Variants in TLX1 observed in about 807,000 individuals in gnomAD.
TLX1 encodes T-cell leukemia homeobox protein 1.
Under a neutral mutation model 26.5 loss-of-function variants are expected in TLX1, and 6 were observed. That is an observed-to-expected ratio of 0.23 (90% confidence interval 0.12 to 0.45). TLX1 has a LOEUF of 0.45. TLX1 is among the 20% of genes least tolerant of loss of function. The pLI is 0.99. For synonymous variants in TLX1, 217 were observed against 219.7 expected (o/e 0.99, Z 0.11); for missense variants, 418 against 482.6 (o/e 0.87, Z 1.25).
intron 2 of TLX1, chr10:101,135,353 G>A (rs1264878793): frequency 6.5e-6 from 1 of 154,418 alleles, no homozygotes; most frequent in Non-Finnish European, 1.5e-5. Flanking sequence ...TCTGAACGAA[G>A]GCGAGGAATC....
chr10:101,132,032 C>T lies in TLX1; in HGVS notation c.491C>T (p.Pro164Leu), dbSNP rs1343496823. 3 of 1,517,960 alleles carry T rather than the reference C, an allele frequency of 2.0e-6. No individual in the cohort carries two copies. The highest frequency in any genetic ancestry group is 2.5e-5 in the South Asian group (2 of 80,512). 94.0% of individuals were successfully genotyped at this position (1,517,960 alleles called of 1,614,324 possible). A position where few individuals can be genotyped will look rare whatever the true frequency, so the allele number is the denominator to read the frequency against. ...ACCGTGCCCTCTGTGCCTGCCATGC[C>T]GGGCGTCAACAACCTCACTGGCCTC... Reference protein sequence around the residue: ...LPTVPSVPAMPGVNNLTGLTF... With the variant: ...LPTVPSVPAMLGVNNLTGLTF... Residue 164 changes from proline (P) to leucine (L), a missense_variant, in exon 1 of 3, where the codon CCG becomes CTG. Physicochemically the swap from Pro to Leu is moderately conservative, Grantham distance 98. Around this residue, in one of 3 missense-constraint regions of TLX1, gnomAD observed 322 missense variants for 344.6 expected, o/e 0.93. Transcript: ENST00000370196. This position sits in a 1 kb window ranked among gnomAD's most constrained non-coding sequence, Gnocchi z 4.1.
chr10:101,131,881 G>A lies in TLX1; in HGVS notation c.340G>A (p.Gly114Ser). The change falls in exon 1 of 3, where the codon GGC (glycine) becomes AGC (serine). Residue 114 changes from glycine to serine, a missense_variant. Around this residue, in one of 3 missense-constraint regions of TLX1, gnomAD observed 322 missense variants for 344.6 expected, o/e 0.93. Transcript: ENST00000370196. Reference sequence around the variant, plus strand: ...GGCCTTGGCAGGCGGCCCCGGTCCTGGCGGCGGCGGCGGCAGCAGCGGCGG... The same window carrying A: ...GGCCTTGGCAGGCGGCCCCGGTCCTAGCGGCGGCGGCGGCAGCAGCGGCGG... ...NMALAGGPGP[G>S]GGGGSSGGAG... 1 of 1,386,766 alleles carries A rather than the reference G, an allele frequency of 7.2e-7. No individual in the cohort carries two copies. Among genetic ancestry groups the A allele is most frequent in the Non-Finnish European group, 9.3e-7 (1 of 1,077,064 alleles). The allele number at this position is 1,386,766 out of a possible 1,614,324, so 85.9% of individuals were successfully genotyped here.
chr10:101,132,057 C>T lies in TLX1; in HGVS notation c.516C>T (p.Leu172=), dbSNP rs1220501522. The change falls in exon 1 of 3, where the codon CTC becomes CTT. Residue 172 remains leucine, a synonymous_variant. Coordinates refer to ENST00000370196, the MANE Select transcript of TLX1 (RefSeq NM_005521.4). The surrounding 1 kb of genome is among the most constrained non-coding windows in gnomAD (Gnocchi z 4.1). The part of the protein sequence containing the change: ...AMPGVNNLTG[L]TFPWMESNRR... ...CGGGCGTCAACAACCTCACTGGCCT[C>T]ACCTTCCCCTGGATGGAGAGTAACC... 1 of 1,487,828 alleles carries T rather than the reference C, an allele frequency of 6.7e-7. No homozygotes were observed. The highest frequency in any genetic ancestry group is 8.9e-7 in the Non-Finnish European group (1 of 1,126,420). 92.2% of individuals were successfully genotyped at this position (1,487,828 alleles called of 1,614,324 possible).
rs1482134058 is a variant in TLX1 at position 101,131,377 on chromosome 10, CT to C, written c.-164del. 2.2e-6 allele frequency: 1 copy of C among 446,410 alleles called. No individual in the cohort carries two copies. Among genetic ancestry groups the C allele is most frequent in the South Asian group, 7.6e-5 (1 of 13,180 alleles). 27.7% of individuals were successfully genotyped at this position (446,410 alleles called of 1,614,324 possible). ...AGAGAGGGGAAGAATACGGCGCCCC[CT>C]CTCTCCCTCCCCTCCCCCTTCTACT... On this transcript the variant is annotated 5_prime_UTR_variant, in exon 1 of 3. The change abolishes the stop of an existing upstream ORF in the 5' untranslated region. Transcript: ENST00000370196.
At chr10:101,134,886 C>T (rs1030643148) in intron 2 of TLX1, among the ~76,000 whole-genome samples, 2 of 152,228 alleles carry the variant, frequency 1.3e-5, no homozygotes, top group Non-Finnish European at 2.9e-5. Flanking sequence ...GACACCCGGC[C>T]TTTGCGCAGC....
chr10:101,131,707 A>G lies in TLX1; in HGVS notation c.166A>G (p.Thr56Ala). The change falls in exon 1 of 3, where the codon ACT becomes GCT. Residue 56 changes from threonine (T) to alanine (A), a missense_variant. Thr to Ala is a moderately conservative substitution (Grantham distance 58). Coordinates refer to ENST00000370196, the MANE Select transcript of TLX1 (RefSeq NM_005521.4). ...GLGCLVGGAY[T>A]YGGGGSAAAT... The stretch of plus-strand genomic sequence containing the variant: ...TGGCTGCTTGGTCGGAGGCGCCTAC[A>G]CTTACGGCGGCGGGGGCTCCGCGGC... 1 of 1,489,664 alleles carries G rather than the reference A, an allele frequency of 6.7e-7. No individual in the cohort carries two copies. Among genetic ancestry groups the G allele is most frequent in the South Asian group, 1.4e-5 (1 of 72,654 alleles). The allele number at this position is 1,489,664 out of a possible 1,614,324, so 92.3% of individuals were successfully genotyped here. A position where few individuals can be genotyped will look rare whatever the true frequency, so the allele number is the denominator to read the frequency against.
chr10:101,131,410 T>C lies in TLX1; in HGVS notation c.-132T>C. The C allele has an allele frequency of 1.6e-6, 1 of 609,278 alleles. No individual in the cohort carries two copies. Among genetic ancestry groups the C allele is most frequent in the East Asian group, 3.4e-5 (1 of 29,002 alleles). The allele number at this position is 609,278 out of a possible 1,614,324, so 37.7% of individuals were successfully genotyped here. A position where few individuals can be genotyped will look rare whatever the true frequency, so the allele number is the denominator to read the frequency against. ...CTCCCCTCCCCCTTCTACTTTAGCCTTTCTGCGCACTTCGCTTCCAAGTCT... is the reference window on the plus strand; with the variant it reads ...CTCCCCTCCCCCTTCTACTTTAGCCCTTCTGCGCACTTCGCTTCCAAGTCT... On this transcript the variant is annotated 5_prime_UTR_variant, in exon 1 of 3. Coordinates refer to ENST00000370196, the MANE Select transcript of TLX1 (RefSeq NM_005521.4).
rs1181791955 is a variant in TLX1 at position 101,137,178 on chromosome 10, T to C, written c.*265T>C. On this transcript the variant is annotated 3_prime_UTR_variant, in exon 3 of 3. Transcript: ENST00000370196. The stretch of plus-strand genomic sequence containing the variant: ...AAGAAATCTGTTTTTGTTTATTTCA[T>C]TTTATTTTAATTTTTAACGTGGGAT... 2 of 484,442 alleles carry C rather than the reference T, an allele frequency of 4.1e-6. No homozygotes were observed. Among genetic ancestry groups the C allele is most frequent in the Non-Finnish European group, 7.3e-6 (2 of 275,508 alleles). 30.0% of individuals were successfully genotyped at this position (484,442 alleles called of 1,614,324 possible).
intron 1 of TLX1, among the ~76,000 whole-genome samples, chr10:101,133,417 A>C (rs1052766535): frequency 2.6e-5 from 4 of 152,218 alleles, no homozygotes; most frequent in Admixed American, 6.5e-5. Flanking sequence ...GAGGGGTCCC[A>C]GTGCCCCCAA....
chr10:101,133,583 G>A (rs1940225639), intron 1 of TLX1, among the ~76,000 whole-genome samples: 1 of 152,218 alleles, frequency 6.6e-6, no homozygotes, highest in South Asian at 2.1e-4. Context: ...GCCTACCGCG[G>A]GGCCCTAATA....
Position 101,134,220 on chromosome 10 carries a change from G to A in TLX1, c.614G>A (p.Arg205His). Reference sequence around the variant, plus strand: ...ACGCCCCCCAAGAAGAAGAAGCCGCGCACGTCCTTCACACGCCTGCAGATC... The same window carrying A: ...ACGCCCCCCAAGAAGAAGAAGCCGCACACGTCCTTCACACGCCTGCAGATC... The part of the protein sequence containing the change: ...NRTPPKKKKP[R>H]TSFTRLQICE... The change falls in exon 2 of 3, where the codon CGC (arginine) becomes CAC (histidine). Residue 205 changes from arginine (R) to histidine (H), a missense_variant. Arg to His is a conservative substitution (Grantham distance 29, BLOSUM62 0). Around this residue, in one of 3 missense-constraint regions of TLX1, gnomAD observed 322 missense variants for 344.6 expected, o/e 0.93. Transcript: ENST00000370196. 1 of 1,610,734 alleles carries A rather than the reference G, an allele frequency of 6.2e-7. No individual in the cohort carries two copies. The highest frequency in any genetic ancestry group is 1.7e-5 in the Admixed American group (1 of 59,646).
intron 2 of TLX1, among the ~76,000 whole-genome samples, chr10:101,135,980 G>A (rs564049457): frequency 2.0e-5 from 3 of 152,312 alleles, no homozygotes; most frequent in Admixed American, 1.3e-4. Flanking sequence ...TGCAGGCTTC[G>A]CATGGCTTCA....
In TLX1 at chr10:101,137,687, G is replaced by C. The variant is rs539177104; in HGVS notation, c.*774G>C. On this transcript the variant is annotated 3_prime_UTR_variant, in exon 3 of 3. Transcript: ENST00000370196. ...TCCAGAACCCATTTGAGGGGTGGGG[G>C]GGTGTTAATTTATGCACTTATAAGG... 4.3e-6 allele frequency: 1 copy of C among 233,194 alleles called. No individual in the cohort carries two copies. The highest frequency in any genetic ancestry group is 1.8e-4 in the South Asian group (1 of 5,520). 14.4% of individuals were successfully genotyped at this position (233,194 alleles called of 1,614,324 possible). A position where few individuals can be genotyped will look rare whatever the true frequency, so the allele number is the denominator to read the frequency against.
chr10:101,137,597 C>T lies in TLX1; in HGVS notation c.*684C>T, dbSNP rs1940323010. The stretch of plus-strand genomic sequence containing the variant: ...AGCCTCACTTGGTCTGCCAGGCCCC[C>T]ACCACACATCCCAGCCCAATCCAGG... On this transcript the variant is annotated 3_prime_UTR_variant, in exon 3 of 3. Coordinates refer to ENST00000370196, the MANE Select transcript of TLX1 (RefSeq NM_005521.4). The T allele has an allele frequency of 8.5e-6, 2 of 234,494 alleles. No homozygotes were observed. The highest frequency in any genetic ancestry group is 1.8e-4 in the South Asian group (1 of 5,566). The allele number at this position is 234,494 out of a possible 1,614,324, so 14.5% of individuals were successfully genotyped here.
rs768935688 is a variant in TLX1 at position 101,131,624 on chromosome 10, C to T, written c.83C>T (p.Pro28Leu). The change falls in exon 1 of 3, where the codon CCG becomes CTG. Residue 28 changes from proline to leucine, a missense_variant. Pro to Leu is a moderately conservative substitution (Grantham distance 98, BLOSUM62 -3). This residue lies in a region of TLX1 where 322 missense variants were observed against 344.6 expected (regional missense o/e 0.93). Transcript: ENST00000370196. ...GGCATCGACCAGATCCTCAACAGCC[C>T]GGACCAGGGTGGCTGCATGGGACCC... ...SFGIDQILNS[P>L]DQGGCMGPAS... is the part of the protein sequence containing the mutation. The T allele has an allele frequency of 5.1e-6, 8 of 1,573,028 alleles. No homozygotes were observed. The Admixed American group carries it at 9.0e-5, about 18-fold the overall frequency.
At chr10:101,135,292 C>A (rs899400030) in intron 2 of TLX1, 1 of 153,292 alleles carries the variant, frequency 6.5e-6, no homozygotes, top group Non-Finnish European at 1.5e-5. Flanking sequence ...TCGGCGGCGC[C>A]GAGACGGGCG....
Position 101,131,578 on chromosome 10 carries a change from C to G in TLX1, c.37C>G (p.His13Asp). ...HLGPHHLHPG[H>D]AEPISFGIDQ... ...GGGTCCGCACCACCTCCACCCGGGT[C>G]ACGCAGAGCCCATTAGCTTCGGCAT... The change falls in exon 1 of 3, where the codon CAC becomes GAC. Residue 13 changes from histidine (H) to aspartate (D), a missense_variant. Physicochemically the swap from His to Asp is moderately conservative, Grantham distance 81. Coordinates refer to ENST00000370196, the MANE Select transcript of TLX1 (RefSeq NM_005521.4). 3 of 1,550,038 alleles carry G rather than the reference C, an allele frequency of 1.9e-6. No individual in the cohort carries two copies. Among genetic ancestry groups the G allele is most frequent in the Non-Finnish European group, 2.6e-6 (3 of 1,152,726 alleles).
At position 101,132,701 on chromosome 10, in the gene TLX1, G is replaced by C. The variant is rs1242596787; in HGVS notation, c.568+592G>C. ...AGAGCAGGCTTCATCTGGGAGGATG[G>C]CAGCGGGGCTTAGCCGCCCAGGACA... On this transcript the variant is annotated intron_variant, in intron 1 of 2. Transcript: ENST00000370196. The surrounding 1 kb of genome is among the most constrained non-coding windows in gnomAD (Gnocchi z 4.1). The C allele has an allele frequency of 6.6e-6, 1 of 151,880 alleles. No homozygotes were observed. The highest frequency in any genetic ancestry group is 1.5e-5 in the Non-Finnish European group (1 of 67,990). The allele number at this position is 151,880 out of a possible 1,614,324, so 9.4% of individuals were successfully genotyped here.
chr10:101,136,426 G>C (rs994821672), intron 2 of TLX1, among the ~76,000 whole-genome samples: 2 of 152,220 alleles, frequency 1.3e-5, no homozygotes, highest in Non-Finnish European at 2.9e-5. Flanking sequence ...GCGTGGATGC[G>C]AGTCCCAGCT....
Sources: allele counts gnomAD v4.1 joint callset (sites outside exome capture counted in the v4.1 genomes callset), GRCh38; gene constraint gnomAD v4.1.1; regional missense constraint gnomAD v4.1.1; non-coding constraint Gnocchi (gnomAD v3.1); transcripts MANE v1.5; gene names NCBI Gene and HGNC (gene_info 2026-07-23, HGNC 2026-07-21).